GPM6B: variants seen among roughly 807,000 people sequenced by gnomAD.
GPM6B encodes the protein glycoprotein M6B.
A neutral mutation model predicts 27.2 loss-of-function variants in GPM6B; 4 were observed. The ratio of observed to expected loss-of-function variants is 0.15; its 90% CI spans 0.07 to 0.34. The LOEUF (loss-of-function observed/expected upper bound fraction) is 0.34, where lower values mean the gene tolerates loss of function less well. Among genes scored for constraint, GPM6B ranks in the 10% least tolerant of loss-of-function variants. GPM6B has a pLI of 1.00. For synonymous variants in GPM6B, 124 were observed against 103.1 expected, an observed-to-expected ratio of 1.20 and a Z score of -1.23; for missense variants, 183 against 261.9, an observed-to-expected ratio of 0.70 and a Z score of 2.08.
At chrX:13,826,562 A>G (rs759817257) in intron 1 of GPM6B, among the ~76,000 whole-genome samples, 2 of 37,828 alleles carry the variant, frequency 5.3e-5, no homozygotes, top group Non-Finnish European at 1.4e-4. Context: ...ACATACATAC[A>G]CACATACATA....
At chrX:13,822,405 G>A (rs1014714226) in intron 1 of GPM6B, among the ~76,000 whole-genome samples, 45 of 108,837 alleles carry the variant, frequency 4.1e-4, no homozygotes, top group South Asian at 8.0e-4. Flanking sequence ...TCGCGCTGTT[G>A]CCCAGGCTGG....
At chrX:13,787,818 T>C (rs2048641640) in intron 2 of GPM6B, among the ~76,000 whole-genome samples, 1 of 111,683 alleles carries the variant, frequency 9.0e-6, no homozygotes, top group Non-Finnish European at 1.9e-5. Context: ...GGGTATTGTA[T>C]CATCCACAAC....
In GPM6B at chrX:13,886,958, A is replaced by C. The variant is rs928108389; in HGVS notation, c.-198+51369T>G. 2.7e-5 allele frequency among the ~76,000 whole-genome samples: 3 copies of C among 110,472 alleles called. No individual in the cohort carries two copies. The East Asian group carries it at 8.6e-4, about 32-fold the overall frequency. ...CAGCCTCCCGAGTAGCTGGGACTAC[A>C]AGTGCATGCCACCATAGCCAGCTAA... is the stretch of plus-strand genomic sequence containing the variant. On this transcript the variant is annotated intron_variant, in intron 1 of 6. Coordinates refer to the GPM6B transcript ENST00000398361.
intron 1 of GPM6B, among the ~76,000 whole-genome samples, chrX:13,930,457 A>G (rs1403837112): frequency 9.0e-6 from 1 of 111,453 alleles, no homozygotes; most frequent in Non-Finnish European, 1.9e-5. Flanking sequence ...TACTAAAAAT[A>G]CAAAAAATTA....
chrX:13,783,344 G>A (rs2048552416), intron 4 of GPM6B, 21 bp downstream of exon 4: 2 of 1,149,820 alleles, frequency 1.7e-6, no homozygotes. Flanking sequence ...CAAACAATCA[G>A]TTATCAGAGG....
intron 4 of GPM6B, chrX:13,781,039 C>T (rs1167771350): frequency 3.6e-6 from 1 of 274,003 alleles, no homozygotes; most frequent in Admixed American, 3.8e-5. Flanking sequence ...CAGATTTCAG[C>T]AGTTCCACCT....
chrX:13,799,130 C>A (rs1379506852), intron 2 of GPM6B, among the ~76,000 whole-genome samples: 5 of 108,429 alleles, frequency 4.6e-5, no homozygotes. Context: ...AGAAAATCAT[C>A]CCACAAAGTT....
At chrX:13,872,229 T>C (rs976723497) in intron 1 of GPM6B, among the ~76,000 whole-genome samples, 1 of 93,371 alleles carries the variant, frequency 1.1e-5, no homozygotes, top group African/African-American at 4.0e-5. Context: ...TGGAATGCAG[T>C]GGCGTGATTT....
chrX:13,815,165 C>G (rs1380397932), intron 1 of GPM6B, among the ~76,000 whole-genome samples: 2 of 111,744 alleles, frequency 1.8e-5, no homozygotes, highest in African/African-American at 6.5e-5. Flanking sequence ...ACCTTTGCTT[C>G]CTTTCAGAGA....
At chrX:13,825,941 C>G (rs1603052764) in intron 1 of GPM6B, among the ~76,000 whole-genome samples, 2 of 111,473 alleles carry the variant, frequency 1.8e-5, no homozygotes, top group African/African-American at 6.5e-5. Context: ...GCTTCTCCTT[C>G]TGAAATGGAA....
intron 1 of GPM6B, among the ~76,000 whole-genome samples, chrX:13,877,909 CAACTA>C (rs1485583784): frequency 2.0e-5 from 2 of 101,203 alleles, no homozygotes; most frequent in Middle Eastern, 5.3e-3. Flanking sequence ...TGACATTTCA[CAACTA>C]AATATCTCAG....
At chrX:13,876,761 T>C (rs1182380351) in intron 1 of GPM6B, among the ~76,000 whole-genome samples, 2 of 110,509 alleles carry the variant, frequency 1.8e-5, no homozygotes, top group African/African-American at 3.3e-5. Flanking sequence ...AGAATGGCTG[T>C]TCTCGGTGGA....
intron 2 of GPM6B, among the ~76,000 whole-genome samples, chrX:13,804,418 G>T (rs1484093640): frequency 1.5e-5 from 1 of 68,392 alleles, no homozygotes; most frequent in Non-Finnish European, 2.7e-5. Context: ...CATGGACGGC[G>T]GGGGGGGCGG....
At chrX:13,817,344 G>GCCAAGTACAC, upstream of GPM6B, 1 of 753,273 alleles carries the variant, frequency 1.3e-6, no homozygotes, top group Non-Finnish European at 1.6e-6. Context: ...ATTTCTTCTA[G>GCCAAGTACAC]CCAAGTACAC....
intron 1 of GPM6B, among the ~76,000 whole-genome samples, chrX:13,893,628 A>G (rs1244422275): frequency 1.8e-5 from 2 of 112,408 alleles, no homozygotes. Context: ...ATCAGGGACC[A>G]CAAAATGCTG....
At chrX:13,803,481 C>T (rs186399445) in intron 2 of GPM6B, among the ~76,000 whole-genome samples, 18 of 111,877 alleles carry the variant, frequency 1.6e-4, no homozygotes, top group African/African-American at 5.5e-4. Context: ...TTATCTGTGG[C>T]CATTTTAACT....
chrX:13,922,201 C>T lies in GPM6B; in HGVS notation c.-198+16126G>A, dbSNP rs147292996. On this transcript the variant is annotated intron_variant, in intron 1 of 6. Coordinates refer to the GPM6B transcript ENST00000398361. ...ACCTCAGCACTCTTGACATTTGGGGCCTGATAACTCTTTGTTGAGGAGAGG... is the reference window on the plus strand; with the variant it reads ...ACCTCAGCACTCTTGACATTTGGGGTCTGATAACTCTTTGTTGAGGAGAGG... 4.5e-4 allele frequency among the ~76,000 whole-genome samples: 50 copies of T among 111,215 alleles called. No individual in the cohort carries two copies. In the East Asian group the frequency reaches 0.014, roughly 30 times the overall value.
intron 1 of GPM6B, among the ~76,000 whole-genome samples, chrX:13,933,142 A>G (rs1921661221): frequency 8.9e-6 from 1 of 112,228 alleles, no homozygotes; most frequent in African/African-American, 3.2e-5. Flanking sequence ...TAAAATGCAT[A>G]TGAATCCTCA....
intron 2 of GPM6B, among the ~76,000 whole-genome samples, chrX:13,799,190 ATTTTTTTTTTTTTTTTTTT>A (rs763194245): frequency 2.2e-3 from 79 of 35,968 alleles, no homozygotes; most frequent in Non-Finnish European, 2.7e-3. Context: ...AGCCAACCTA[ATTTTTTTTTTTTTTTTTTT>A]TTTTTTTTTT....
Sources: allele counts gnomAD v4.1 joint callset (sites outside exome capture counted in the v4.1 genomes callset), GRCh38; gene constraint gnomAD v4.1.1; transcripts MANE v1.5; gene names NCBI Gene and HGNC (gene_info 2026-07-23, HGNC 2026-07-21).